The following GJB7 variants were observed in gnomAD, a reference collection of about 807,000 sequenced individuals.
GJB7 encodes the protein gap junction beta-7 protein.
For synonymous variants in GJB7, 87 were observed against 95.2 expected, an observed-to-expected ratio of 0.91 and a Z score of 0.50; for missense variants, 253 against 256.8, an observed-to-expected ratio of 0.99 and a Z score of 0.10.
intron 1 of GJB7, among the ~76,000 whole-genome samples, chr6:87,327,424 T>G (rs1449652357): frequency 6.6e-6 from 1 of 152,224 alleles, no homozygotes; most frequent in Non-Finnish European, 1.5e-5. Flanking sequence ...AGTGCTTCCT[T>G]CAGGAGCTCT....
At chr6:87,328,521 T>G (rs1278491716) in intron 1 of GJB7, among the ~76,000 whole-genome samples, 1 of 151,700 alleles carries the variant, frequency 6.6e-6, no homozygotes, top group Admixed American at 6.5e-5. Context: ...GTGTGAGGTA[T>G]CAGTCTGCCC....
rs1330152904 is a variant in GJB7, at chr6:87,322,892, T to G, written c.-54A>C. On this transcript the variant is annotated 5_prime_UTR_variant, in exon 2 of 3. Transcript: ENST00000525899. ...TTGCGGGCTCCAGTTTGTTCGGTGC[T>G]TCATCCATGGACACCCCCACCCCGA... 6.6e-6 allele frequency: 1 copy of G among 152,374 alleles called. No homozygotes were observed. The highest frequency in any genetic ancestry group is 2.4e-5 in the African/African-American group (1 of 41,440). The allele number at this position is 152,374 out of a possible 1,614,324, so 9.4% of individuals were successfully genotyped here.
At chr6:87,312,306 G>A (rs542013702) in intron 2 of GJB7, among the ~76,000 whole-genome samples, 21 of 151,748 alleles carry the variant, frequency 1.4e-4, no homozygotes, top group African/African-American at 4.8e-4. Context: ...GAGGTCAAGA[G>A]TTCAAGACCA....
Position 87,284,205 on chromosome 6 carries a change from C to G in GJB7, c.*36G>C, listed in dbSNP as rs1419496759. ...ATTCTGGAGTAGGGGAGGGGTCCCT[C>G]TCCTACCACATTCAACATATCTGAG... On this transcript the variant is annotated 3_prime_UTR_variant, in exon 3 of 3. Transcript: ENST00000525899. 6.4e-7 allele frequency: 1 copy of G among 1,556,880 alleles called. No homozygotes were observed.
At chr6:87,301,427 CAT>C (rs1776324485) in intron 2 of GJB7, among the ~76,000 whole-genome samples, 1 of 152,172 alleles carries the variant, frequency 6.6e-6, no homozygotes, top group African/African-American at 2.4e-5. Flanking sequence ...GAGCCTCACT[CAT>C]TGCTAGCACA....
intron 2 of GJB7, among the ~76,000 whole-genome samples, chr6:87,321,666 A>G (rs1776665053): frequency 6.6e-6 from 1 of 152,048 alleles, no homozygotes; most frequent in Non-Finnish European, 1.5e-5. Flanking sequence ...TGGTTTTTGT[A>G]TTAGTCTCTT....
chr6:87,284,299 C>T lies in GJB7; in HGVS notation c.614G>A (p.Cys205Tyr), dbSNP rs762645793. 3.7e-5 allele frequency: 60 copies of T among 1,613,752 alleles called. No homozygotes were observed. Among genetic ancestry groups the T allele is most frequent in the Admixed American group, 1.3e-4 (8 of 59,976 alleles). ...FIELSFLVLK[C>Y]FIKCCLQKYL... is the part of the protein sequence containing the mutation. ...TTTTTGGAGACAGCACTTAATAAAG[C>T]ACTTGAGAACCAAAAAACTCAGTTC... Residue 205 changes from cysteine to tyrosine, a missense_variant, in exon 3 of 3, where the codon TGC becomes TAC. Transcript: ENST00000525899.
chr6:87,326,258 C>T (rs1047917942), intron 1 of GJB7, among the ~76,000 whole-genome samples: 2 of 152,182 alleles, frequency 1.3e-5, no homozygotes, highest in African/African-American at 2.4e-5. Flanking sequence ...TTTAATGTCT[C>T]TATTTCCTTT....
At chr6:87,328,764 C>CT (rs1330614951) in intron 1 of GJB7, among the ~76,000 whole-genome samples, 4 of 152,224 alleles carry the variant, frequency 2.6e-5, no homozygotes, top group Non-Finnish European at 4.4e-5. Flanking sequence ...CCTCCTTGAG[C>CT]TGTGGTGGGC....
intron 2 of GJB7, among the ~76,000 whole-genome samples, chr6:87,310,557 G>T (rs1776501673): frequency 6.6e-6 from 1 of 152,078 alleles, no homozygotes; most frequent in South Asian, 2.1e-4. Context: ...CATGTACACT[G>T]CTTGGGTGAT....
rs957510210 is a variant in GJB7 at position 87,292,277 on chromosome 6, T to C, written c.-27-7338A>G. ...GCTGGAACAATGAGAGTGTGTTTCA[T>C]CTCTTTAAATGATTTTCCAACATTT... On this transcript the variant is annotated intron_variant, in intron 2 of 2. Coordinates refer to ENST00000525899, the MANE Select transcript of GJB7 (RefSeq NM_198568.3). Among the ~76,000 whole-genome samples, 4 of 152,240 alleles carry C rather than the reference T, an allele frequency of 2.6e-5. No individual in the cohort carries two copies. In the South Asian group the frequency reaches 8.3e-4, roughly 32 times the overall value.
At chr6:87,303,791 CA>C (rs547982085) in intron 2 of GJB7, among the ~76,000 whole-genome samples, 89 of 152,254 alleles carry the variant, frequency 5.8e-4, no homozygotes, top group African/African-American at 1.9e-3. Flanking sequence ...CACTCTTCAG[CA>C]AATGTAAAAG....
chr6:87,305,020 G>A (rs1177690288), intron 2 of GJB7, among the ~76,000 whole-genome samples: 5 of 152,112 alleles, frequency 3.3e-5, no homozygotes, highest in South Asian at 2.1e-4. Flanking sequence ...TTGATTGGAC[G>A]TATCTCAAAA....
chr6:87,313,277 TACTACTTATTGAACTTAAG>T (rs1776536133), intron 2 of GJB7, among the ~76,000 whole-genome samples: 1 of 152,234 alleles, frequency 6.6e-6, no homozygotes, highest in Non-Finnish European at 1.5e-5. Context: ...GAATTCTTCC[TACTACTTATTGAACTTAAG>T]ACTTTTCAGT....
chr6:87,311,924 A>C (rs1269085112), intron 2 of GJB7, among the ~76,000 whole-genome samples: 1 of 152,126 alleles, frequency 6.6e-6, no homozygotes, highest in Admixed American at 6.6e-5. Context: ...CATCAATGGG[A>C]ATGAATAATG....
intron 1 of GJB7, among the ~76,000 whole-genome samples, chr6:87,328,909 G>A (rs1257883659): frequency 2.6e-5 from 4 of 152,210 alleles, no homozygotes; most frequent in East Asian, 3.9e-4. Context: ...GCCAGACTCC[G>A]TGGGCGTAGG....
chr6:87,291,266 T>G (rs1273908817), intron 2 of GJB7, among the ~76,000 whole-genome samples: 4 of 152,180 alleles, frequency 2.6e-5, no homozygotes. Flanking sequence ...ATAAGAGCCA[T>G]AAATCTACAA....
Position 87,284,231 on chromosome 6 carries a change from G to C in GJB7, c.*10C>G. The C allele has an allele frequency of 6.2e-7, 1 of 1,605,464 alleles. No individual in the cohort carries two copies. Among genetic ancestry groups the C allele is most frequent in the Non-Finnish European group, 8.5e-7 (1 of 1,174,398 alleles). On this transcript the variant is annotated 3_prime_UTR_variant, in exon 3 of 3. Coordinates refer to ENST00000525899, the MANE Select transcript of GJB7 (RefSeq NM_198568.3). Reference sequence around the variant, plus strand: ...TCCTACCACATTCAACATATCTGAGGCTGTGGCACTCACACACTGAGGACT... The same window carrying C: ...TCCTACCACATTCAACATATCTGAGCCTGTGGCACTCACACACTGAGGACT...
intron 2 of GJB7, among the ~76,000 whole-genome samples, chr6:87,301,533 AG>A (rs1225051856): frequency 6.6e-6 from 1 of 152,088 alleles, no homozygotes; most frequent in African/African-American, 2.4e-5. Context: ...GTGGCCGGGA[AG>A]CTCTATCTGG....
Sources: allele counts gnomAD v4.1 joint callset (sites outside exome capture counted in the v4.1 genomes callset), GRCh38; gene constraint gnomAD v4.1.1; transcripts MANE v1.5; gene names NCBI Gene and HGNC (gene_info 2026-07-23, HGNC 2026-07-21).